MYO1E: variants seen among roughly 807,000 people sequenced by gnomAD.
MYO1E encodes unconventional myosin-Ie.
In MYO1E, 68 loss-of-function variants were observed where a neutral mutation model predicts 151.1. That is an observed-to-expected ratio of 0.45 (90% CI 0.37 to 0.55). The LOEUF is 0.55. MYO1E is among the 20% of genes least tolerant of loss of function. MYO1E has a pLI of 0.00. For synonymous variants in MYO1E, 601 were observed against 501.7 expected, an observed-to-expected ratio of 1.20 and a Z score of -2.64; for missense variants, 1,363 against 1,389.3, an observed-to-expected ratio of 0.98 and a Z score of 0.30.
intron 17 of MYO1E, among the ~76,000 whole-genome samples, chr15:59,191,369 A>AGAGAGAGAGAGAGAGAGAGAGAGAG (rs36017033): frequency 7.4e-6 from 1 of 135,650 alleles, no homozygotes; most frequent in African/African-American, 2.7e-5. Flanking sequence ...AGAGAGAGAG[A>AGAGAGAGAGAGAGAGAGAGAGAGAG]AAGAAATGTC....
intron 26 of MYO1E, among the ~76,000 whole-genome samples, chr15:59,143,843 G>A (rs2079425212): frequency 6.6e-6 from 1 of 152,208 alleles, no homozygotes; most frequent in South Asian, 2.1e-4. Context: ...TTCCCAGGCA[G>A]CACTGCTAAC....
rs906722531 is a variant in MYO1E, at chr15:59,159,203, C to T, written c.2786-824G>A. Among the ~76,000 whole-genome samples, 3 of 152,224 alleles carry T rather than the reference C, an allele frequency of 2.0e-5. No homozygotes were observed. Among genetic ancestry groups the T allele is most frequent in the Non-Finnish European group, 4.4e-5 (3 of 68,024 alleles). On this transcript the variant is annotated intron_variant, in intron 24 of 27. Coordinates refer to ENST00000288235, the MANE Select transcript of MYO1E (RefSeq NM_004998.4). This position sits in a 1 kb window ranked among gnomAD's most constrained non-coding sequence, Gnocchi z 4.4. ...AGCTCTAGGGCCTGGGAGAACCGAC[C>T]ACGTGGGATCGGGGCAAACCCAGTG...
chr15:59,205,996 C>G (rs1596364378), intron 14 of MYO1E, among the ~76,000 whole-genome samples: 1 of 126,668 alleles, frequency 7.9e-6, no homozygotes, highest in South Asian at 2.5e-4. Context: ...CTCAGATACT[C>G]TGTTTAACAA....
intron 1 of MYO1E, among the ~76,000 whole-genome samples, chr15:59,305,319 G>C (rs572421073): frequency 6.6e-6 from 1 of 152,006 alleles, no homozygotes; most frequent in African/African-American, 2.4e-5. Flanking sequence ...TCGGCCTTCT[G>C]AGTAGTTGGG....
At chr15:59,148,283 A>G (rs187172480) in intron 26 of MYO1E, among the ~76,000 whole-genome samples, 1 of 152,182 alleles carries the variant, frequency 6.6e-6, no homozygotes, top group Non-Finnish European at 1.5e-5. Flanking sequence ...ATGAACCAGG[A>G]CTCACCCTAC....
chr15:59,200,611 C>T (rs560169133), intron 16 of MYO1E, among the ~76,000 whole-genome samples: 13 of 152,070 alleles, frequency 8.5e-5, no homozygotes, highest in Admixed American at 4.6e-4. Flanking sequence ...ATTGTGACAC[C>T]CCAACTTTAC....
In MYO1E at chr15:59,372,845, T is replaced by G. The variant is rs1247466677; in HGVS notation, c.-345A>C. 2.4e-6 allele frequency: 1 copy of G among 415,888 alleles called. No homozygotes were observed. Among genetic ancestry groups the G allele is most frequent in the African/African-American group, 2.1e-5 (1 of 47,704 alleles). The allele number at this position is 415,888 out of a possible 1,614,324, so 25.8% of individuals were successfully genotyped here. A position where few individuals can be genotyped will look rare whatever the true frequency, so the allele number is the denominator to read the frequency against. On this transcript the variant is annotated 5_prime_UTR_variant, in exon 1 of 28. Coordinates refer to ENST00000288235, the MANE Select transcript of MYO1E (RefSeq NM_004998.4). Reference sequence around the variant, plus strand: ...CCTCACTCCTCTTTCTTCGGCCACTTAATCCGTACTCCTCTGGCTGAGTCT... The same window carrying G: ...CCTCACTCCTCTTTCTTCGGCCACTGAATCCGTACTCCTCTGGCTGAGTCT...
chr15:59,314,271 A>G (rs745629002), intron 1 of MYO1E, among the ~76,000 whole-genome samples: 26 of 152,206 alleles, frequency 1.7e-4, no homozygotes, highest in Non-Finnish European at 2.6e-4. Flanking sequence ...TGCCTTAACT[A>G]TTTCACACAA....
At chr15:59,160,355 GT>G (rs2079531205) in intron 24 of MYO1E, among the ~76,000 whole-genome samples, 1 of 148,080 alleles carries the variant, frequency 6.8e-6, no homozygotes, top group Non-Finnish European at 1.5e-5. Flanking sequence ...GTGTGTGTGT[GT>G]GTGTGTGTGT....
At chr15:59,188,279 C>T in intron 17 of MYO1E, 63 bp from the exon 18 acceptor site, 2 of 1,340,110 alleles carry the variant, frequency 1.5e-6, no homozygotes, top group Non-Finnish European at 2.1e-6. Context: ...GTGTTCTTAC[C>T]AGCCAACCCC....
chr15:59,351,162 G>A (rs1222376149), intron 1 of MYO1E, among the ~76,000 whole-genome samples: 1 of 152,178 alleles, frequency 6.6e-6, no homozygotes, highest in Non-Finnish European at 1.5e-5. Context: ...GCCTCCCAAA[G>A]TGCTGGGATT....
chr15:59,294,458 C>A (rs1252466449), intron 1 of MYO1E, among the ~76,000 whole-genome samples: 1 of 152,204 alleles, frequency 6.6e-6, no homozygotes, highest in Non-Finnish European at 1.5e-5. Context: ...CCTACCCAAA[C>A]CCCATTGAAC....
intron 14 of MYO1E, among the ~76,000 whole-genome samples, chr15:59,205,731 T>C (rs1429731078): frequency 6.6e-6 from 1 of 152,128 alleles, no homozygotes; most frequent in African/African-American, 2.4e-5. Flanking sequence ...TGCTGATGAG[T>C]ATCTGGCTGC....
At chr15:59,315,264 G>A (rs775957406) in intron 1 of MYO1E, among the ~76,000 whole-genome samples, 13 of 152,046 alleles carry the variant, frequency 8.6e-5, no homozygotes, top group Non-Finnish European at 1.9e-4. Flanking sequence ...GCCTTAACTA[G>A]TACACAACTC....
intron 1 of MYO1E, among the ~76,000 whole-genome samples, chr15:59,291,566 T>C (rs1309335523): frequency 1.3e-5 from 2 of 151,306 alleles, no homozygotes; most frequent in Non-Finnish European, 2.9e-5. Context: ...CCAGGCGTGG[T>C]GGCTCACACC....
At chr15:59,316,460 T>A (rs913558570) in intron 1 of MYO1E, among the ~76,000 whole-genome samples, 4 of 152,152 alleles carry the variant, frequency 2.6e-5, no homozygotes, top group African/African-American at 9.7e-5. Context: ...GGCAGCACTC[T>A]TTCTTCCCAG....
Position 59,319,550 on chromosome 15 carries a change from C to CTTTTTTTTTTTTTTTTTTTTTTT in MYO1E, c.4-47124_4-47102dup, listed in dbSNP as rs59491381. Among the ~76,000 whole-genome samples the CTTTTTTTTTTTTTTTTTTTTTTT allele has an allele frequency of 3.6e-4, 23 of 63,718 alleles. 2 individuals carry two copies. Among genetic ancestry groups the CTTTTTTTTTTTTTTTTTTTTTTT allele is most frequent in the East Asian group, 2.0e-3 (4 of 2,020 alleles). The allele number at this position is 63,718 out of a possible 152,430, so 41.8% of individuals were successfully genotyped here. On this transcript the variant is annotated intron_variant, in intron 1 of 27. Transcript: ENST00000288235. ...AAGATAGGAAAAGAAGTCAAACTAC[C>CTTTTTTTTTTTTTTTTTTTTTTT]TTTTTTTTTTTTTTTTTTTTTTTTT...
intron 2 of MYO1E, among the ~76,000 whole-genome samples, chr15:59,268,080 T>C (rs2080267143): frequency 6.6e-6 from 1 of 152,216 alleles, no homozygotes; most frequent in Non-Finnish European, 1.5e-5. Context: ...TGAAATCAAG[T>C]CTCTTCTCGT....
In MYO1E at chr15:59,305,091, G is replaced by A. The variant is rs74602088; in HGVS notation, c.4-32642C>T. ...TGGTGTATAGCGTCCACTGTCACCAGTTCCTGGAGGTCAGGGCTTGCTTTT... is the reference window on the plus strand; with the variant it reads ...TGGTGTATAGCGTCCACTGTCACCAATTCCTGGAGGTCAGGGCTTGCTTTT... On this transcript the variant is annotated intron_variant, in intron 1 of 27. Transcript: ENST00000288235. Among the ~76,000 whole-genome samples, 669 of 152,348 alleles carry A rather than the reference G, an allele frequency of 4.4e-3. 3 individuals carry two copies. Among genetic ancestry groups the A allele is most frequent in the African/African-American group, 0.015 (631 of 41,578 alleles).
Sources: allele counts gnomAD v4.1 joint callset (sites outside exome capture counted in the v4.1 genomes callset), GRCh38; gene constraint gnomAD v4.1.1; non-coding constraint Gnocchi (gnomAD v3.1); transcripts MANE v1.5; gene names NCBI Gene and HGNC (gene_info 2026-07-23, HGNC 2026-07-21).